GRIN2A: variants seen among roughly 807,000 people sequenced by gnomAD.
GRIN2A encodes the protein glutamate receptor ionotropic, NMDA 2A.
A neutral mutation model predicts 113.4 loss-of-function variants in GRIN2A; 22 were observed. The observed-to-expected ratio is 0.19, with a 90% CI of 0.14 to 0.28. The LOEUF is 0.28. Ranked by LOEUF, GRIN2A falls within the 10% of genes least tolerant of loss-of-function variation. The pLI, the probability that GRIN2A is intolerant of heterozygous loss-of-function variation, is 1.00. For synonymous variants in GRIN2A, 827 were observed against 738.4 expected (o/e 1.12, Z -1.94); for missense variants, 1,502 against 1,887.0 (o/e 0.80, Z 3.78).
At position 9,797,438 on chromosome 16, in the gene GRIN2A, G is replaced by A. The variant is rs142558135; in HGVS notation, c.2356+839C>T. Reference sequence around the variant, plus strand: ...CTATAGTGAGATCACCAGCTATGAAGTAGAAAGGGCAGACAGGAGGAAATG... The same window carrying A: ...CTATAGTGAGATCACCAGCTATGAAATAGAAAGGGCAGACAGGAGGAAATG... On this transcript the variant is annotated intron_variant, in intron 11 of 12. Coordinates refer to ENST00000330684, the MANE Select transcript of GRIN2A (RefSeq NM_001134407.3). 1.4e-3 allele frequency among the ~76,000 whole-genome samples: 219 copies of A among 152,364 alleles called. 1 individual carries two copies. The highest frequency in any genetic ancestry group is 5.0e-3 in the African/African-American group (206 of 41,578).
At chr16:9,846,084 A>G (rs946397268) in intron 5 of GRIN2A, among the ~76,000 whole-genome samples, 1 of 152,256 alleles carries the variant, frequency 6.6e-6, no homozygotes, top group Admixed American at 6.5e-5. Context: ...GGAATTCAGC[A>G]AAAATCATTA....
At chr16:10,174,659 AT>A (rs1672209103) in intron 2 of GRIN2A, among the ~76,000 whole-genome samples, 2 of 152,208 alleles carry the variant, frequency 1.3e-5, no homozygotes, top group Admixed American at 1.3e-4. Flanking sequence ...ACCAATTATT[AT>A]CTTGGAAATA....
intron 4 of GRIN2A, among the ~76,000 whole-genome samples, chr16:9,878,897 A>C (rs1021801781): frequency 2.0e-5 from 3 of 152,060 alleles, no homozygotes; most frequent in Non-Finnish European, 4.4e-5. Context: ...AGTTGCACAC[A>C]CACATGCTTT....
chr16:9,820,325 GAAAC>G (rs1406719930), intron 10 of GRIN2A, among the ~76,000 whole-genome samples: 1 of 152,280 alleles, frequency 6.6e-6, no homozygotes, highest in East Asian at 1.9e-4. Context: ...GACCACAATG[GAAAC>G]AAACAAAAAT....
At position 9,853,416 on chromosome 16, in the gene GRIN2A, A is replaced by G. The variant is rs1370964691; in HGVS notation, c.1123-3455T>C. 2.6e-5 allele frequency among the ~76,000 whole-genome samples: 4 copies of G among 152,174 alleles called. No individual in the cohort carries two copies. In the South Asian group the frequency reaches 6.2e-4, roughly 24 times the overall value. ...TGCTTTTATGAAAGAGGCCCCAGAG[A>G]GACCCATTGCCTTTTCCACCATATC... On this transcript the variant is annotated intron_variant, in intron 4 of 12. Coordinates refer to ENST00000330684, the MANE Select transcript of GRIN2A (RefSeq NM_001134407.3).
At chr16:10,030,230 G>T (rs933648413) in intron 2 of GRIN2A, among the ~76,000 whole-genome samples, 2 of 151,586 alleles carry the variant, frequency 1.3e-5, no homozygotes, top group African/African-American at 4.8e-5. Context: ...CATTTCTCTC[G>T]TCCTTCAATA....
At chr16:9,955,950 C>T (rs1275915409) in intron 2 of GRIN2A, among the ~76,000 whole-genome samples, 2 of 152,176 alleles carry the variant, frequency 1.3e-5, no homozygotes, top group Non-Finnish European at 2.9e-5. Flanking sequence ...CTGACAAAGT[C>T]TCTGCCAGGT....
chr16:9,795,479 C>A (rs922013989), intron 11 of GRIN2A, among the ~76,000 whole-genome samples: 1 of 152,184 alleles, frequency 6.6e-6, no homozygotes, highest in African/African-American at 2.4e-5. Flanking sequence ...AGTAGCCATT[C>A]TTTTATTCCT....
intron 2 of GRIN2A, among the ~76,000 whole-genome samples, chr16:10,095,192 C>G (rs972954051): frequency 3.3e-5 from 5 of 152,082 alleles, no homozygotes; most frequent in African/African-American, 4.8e-5. Context: ...TACTCAAACC[C>G]AACCACGCCA....
At chr16:9,789,297 C>G (rs1902441763) in intron 11 of GRIN2A, among the ~76,000 whole-genome samples, 2 of 152,090 alleles carry the variant, frequency 1.3e-5, no homozygotes, top group African/African-American at 4.8e-5. Context: ...TCATCATAAA[C>G]CAGCAGACTA....
At chr16:9,864,717 G>A (rs1470458735) in intron 4 of GRIN2A, among the ~76,000 whole-genome samples, 1 of 152,112 alleles carries the variant, frequency 6.6e-6, no homozygotes, top group Non-Finnish European at 1.5e-5. Context: ...AGAACCTGGA[G>A]GTATCAATCA....
intron 2 of GRIN2A, among the ~76,000 whole-genome samples, chr16:10,074,096 A>T (rs2142038514): frequency 6.6e-6 from 1 of 152,362 alleles, no homozygotes; most frequent in African/African-American, 2.4e-5. Context: ...ACAAGATGGC[A>T]TACAAACAGC....
chr16:9,761,672 A>C lies in GRIN2A; in HGVS notation c.*1477T>G. On this transcript the variant is annotated 3_prime_UTR_variant, in exon 13 of 13. Transcript: ENST00000330684. Reference sequence around the variant, plus strand: ...TTGTTTTTGTGGCAGGCACTGTGCTAACAGGCTCCCCATGCATAAGTATTC... The same window carrying C: ...TTGTTTTTGTGGCAGGCACTGTGCTCACAGGCTCCCCATGCATAAGTATTC... The C allele has an allele frequency of 4.4e-6, 1 of 228,084 alleles. No individual in the cohort carries two copies. The highest frequency in any genetic ancestry group is 8.7e-6 in the Non-Finnish European group (1 of 114,796). 14.1% of individuals were successfully genotyped at this position (228,084 alleles called of 1,614,324 possible). A position where few individuals can be genotyped will look rare whatever the true frequency, so the allele number is the denominator to read the frequency against.
intron 2 of GRIN2A, among the ~76,000 whole-genome samples, chr16:10,017,422 C>T (rs2046631954): frequency 6.6e-6 from 1 of 152,082 alleles, no homozygotes; most frequent in South Asian, 2.1e-4. Flanking sequence ...ATCATTTCTG[C>T]ACAGGTTACA....
chr16:10,151,327 C>A (rs1023656920), intron 2 of GRIN2A, among the ~76,000 whole-genome samples: 1 of 152,132 alleles, frequency 6.6e-6, no homozygotes, highest in African/African-American at 2.4e-5. Flanking sequence ...GAGAATGTGT[C>A]TGGTGCTTAC....
intron 2 of GRIN2A, among the ~76,000 whole-genome samples, chr16:10,103,434 A>G (rs1206624472): frequency 1.3e-5 from 2 of 152,222 alleles, no homozygotes; most frequent in Non-Finnish European, 2.9e-5. Context: ...TGAGACCAGA[A>G]TAGATACAAG....
chr16:9,841,024 G>A lies in GRIN2A; in HGVS notation c.1409C>T (p.Thr470Ile), dbSNP rs752320310. 6.2e-7 allele frequency: 1 copy of A among 1,613,138 alleles called. No homozygotes were observed. Among genetic ancestry groups the A allele is most frequent in the Non-Finnish European group, 8.5e-7 (1 of 1,179,246 alleles). ...CIDILKKLSRTVKFTYDLYLV... is the reference protein window; with the variant it reads ...CIDILKKLSRIVKFTYDLYLV... ...ATAGAGGTCGTAAGTAAACTTCACA[G>A]TTCTGGAAAGCTTCTTCAGAATATC... Residue 470 changes from threonine to isoleucine, a missense_variant, in exon 6 of 13, where the codon ACT becomes ATT. Physicochemically the swap from Thr to Ile is moderately conservative, Grantham distance 89 (BLOSUM62 -1). This residue lies in a region of GRIN2A where 82 missense variants were observed against 222.7 expected (regional missense o/e 0.37). Coordinates refer to ENST00000330684, the MANE Select transcript of GRIN2A (RefSeq NM_001134407.3).
intron 2 of GRIN2A, among the ~76,000 whole-genome samples, chr16:10,047,281 C>T (rs531237035): frequency 3.3e-4 from 50 of 152,232 alleles, no homozygotes; most frequent in Non-Finnish European, 4.4e-4. Context: ...TCCCACTCTC[C>T]GCTAGCTTGT....
At chr16:10,094,056 A>G (rs906411567) in intron 2 of GRIN2A, among the ~76,000 whole-genome samples, 1 of 152,184 alleles carries the variant, frequency 6.6e-6, no homozygotes, top group Admixed American at 6.5e-5. Context: ...AAGCATCAGA[A>G]CCTGGCTGTC....
Sources: gnomAD v4.1 joint callset for allele counts (sites outside exome capture counted in the v4.1 genomes callset) on GRCh38, gnomAD v4.1.1 for gene constraint, gnomAD v4.1.1 regional missense constraint, MANE v1.5 for transcripts, NCBI Gene and HGNC (gene_info 2026-07-23, HGNC 2026-07-21) for gene names.